The following PREX2 variants were observed in gnomAD, a reference collection of about 807,000 sequenced individuals.
PREX2 encodes phosphatidylinositol 3,4,5-trisphosphate-dependent Rac exchanger 2 protein.
In PREX2, 107 loss-of-function variants were observed where a neutral mutation model predicts 203.2. The observed-to-expected ratio is 0.53, with a 90% CI of 0.45 to 0.62. The LOEUF (loss-of-function observed/expected upper bound fraction) is 0.62, where lower values mean the gene tolerates loss of function less well. PREX2 is among the 20% of genes least tolerant of loss of function. The pLI, the probability that PREX2 is intolerant of heterozygous loss-of-function variation, is 0.00. For missense variants in PREX2, 1,777 were observed against 1,955.9 expected, an observed-to-expected ratio of 0.91 and a Z score of 1.72; for synonymous variants, 672 against 663.6, an observed-to-expected ratio of 1.01 and a Z score of -0.19.
intron 11 of PREX2, among the ~76,000 whole-genome samples, chr8:68,065,433 T>C (rs1453183057): frequency 6.6e-6 from 1 of 152,180 alleles, no homozygotes; most frequent in Non-Finnish European, 1.5e-5. Flanking sequence ...TGACTTGGCT[T>C]GGGGAAAAGA....
intron 11 of PREX2, among the ~76,000 whole-genome samples, chr8:68,068,711 A>T (rs1430957179): frequency 6.6e-6 from 1 of 152,122 alleles, no homozygotes; most frequent in Non-Finnish European, 1.5e-5. Flanking sequence ...ATATTTATAT[A>T]AATGTACACA....
Position 68,133,960 on chromosome 8 carries a change from T to G in PREX2, c.3767-99T>G, listed in dbSNP as rs974970204. 7.7e-6 allele frequency: 7 copies of G among 913,516 alleles called. No homozygotes were observed. The Admixed American group carries it at 1.1e-4, about 14-fold the overall frequency. 56.6% of individuals were successfully genotyped at this position (913,516 alleles called of 1,614,324 possible). ...ACATTTTTCACATGCGTGAGTTTAG[T>G]GAAAAGATGAAATGCTAGTGAATGT... On this transcript the variant is annotated intron_variant, in intron 31 of 39. Coordinates refer to ENST00000288368, the MANE Select transcript of PREX2 (RefSeq NM_024870.4).
At position 68,235,810 on chromosome 8, in the gene PREX2, A is replaced by G. The variant is rs939732441; in HGVS notation, c.*4432A>G. The G allele has an allele frequency of 6.6e-6, 1 of 152,144 alleles. No homozygotes were observed. The highest frequency in any genetic ancestry group is 1.5e-5 in the Non-Finnish European group (1 of 68,028). The allele number at this position is 152,144 out of a possible 1,614,324, so 9.4% of individuals were successfully genotyped here. A position where few individuals can be genotyped will look rare whatever the true frequency, so the allele number is the denominator to read the frequency against. On this transcript the variant is annotated 3_prime_UTR_variant, in exon 40 of 40. Transcript: ENST00000288368. ...GCTTGGCATTAACAGTGATGTCAGCATTCATACTGCCAACAGTCTGCTGGT... is the reference window on the plus strand; with the variant it reads ...GCTTGGCATTAACAGTGATGTCAGCGTTCATACTGCCAACAGTCTGCTGGT...
intron 10 of PREX2, among the ~76,000 whole-genome samples, chr8:68,059,460 G>A (rs972365998): frequency 2.6e-5 from 4 of 152,140 alleles, no homozygotes; most frequent in African/African-American, 9.7e-5. Flanking sequence ...CTGATGGATG[G>A]TTCTGTGCTG....
chr8:68,064,375 G>T (rs1005416256), intron 11 of PREX2, among the ~76,000 whole-genome samples: 1 of 151,878 alleles, frequency 6.6e-6, no homozygotes, highest in Admixed American at 6.6e-5. Context: ...TCTTTTGGGG[G>T]GTTGGGGGGC....
intron 33 of PREX2, 50 bp from the exon 34 acceptor site, chr8:68,146,159 C>G: frequency 1.5e-6 from 2 of 1,309,632 alleles, no homozygotes; most frequent in Non-Finnish European, 2.1e-6. Context: ...AAAGTACCAT[C>G]TAGCATATCC....
chr8:67,978,745 G>A (rs1338988035), intron 1 of PREX2, among the ~76,000 whole-genome samples: 5 of 152,060 alleles, frequency 3.3e-5, no homozygotes, highest in Admixed American at 6.6e-5. Context: ...GAACTTGTTA[G>A]TTTTATATCT....
intron 19 of PREX2, among the ~76,000 whole-genome samples, chr8:68,089,802 A>G (rs765832136): frequency 7.2e-5 from 11 of 152,218 alleles, no homozygotes; most frequent in South Asian, 2.1e-4. Flanking sequence ...TTACAAGTTT[A>G]TAATCATTTG....
intron 8 of PREX2, among the ~76,000 whole-genome samples, chr8:68,046,240 C>T (rs1196802651): frequency 1.3e-5 from 2 of 151,976 alleles, no homozygotes; most frequent in African/African-American, 2.4e-5. Context: ...GATGTCAGTG[C>T]CACTATTAGT....
rs150567729 is a variant in PREX2 at position 67,995,166 on chromosome 8, C to T, written c.142-22680C>T. ...CTGTTCTATTAATAATGAAAGTATA[C>T]GTTTTAGAGTTATTGTAAAGCCACA... is the stretch of plus-strand genomic sequence containing the variant. On this transcript the variant is annotated intron_variant, in intron 1 of 39. Coordinates refer to ENST00000288368, the MANE Select transcript of PREX2 (RefSeq NM_024870.4). Among the ~76,000 whole-genome samples, 36 of 151,990 alleles carry T rather than the reference C, an allele frequency of 2.4e-4. No individual in the cohort carries two copies. The East Asian group carries it at 3.7e-3, about 15-fold the overall frequency.
chr8:68,190,610 G>T (rs558851802), intron 35 of PREX2, among the ~76,000 whole-genome samples: 56 of 152,174 alleles, frequency 3.7e-4, no homozygotes, highest in Non-Finnish European at 1.6e-4. Flanking sequence ...GGAGAGGTAG[G>T]AAGGGGATGA....
intron 8 of PREX2, among the ~76,000 whole-genome samples, chr8:68,048,204 A>C (rs576723329): frequency 7.2e-5 from 11 of 152,190 alleles, no homozygotes; most frequent in Non-Finnish European, 1.5e-4. Flanking sequence ...TAGTTTGATC[A>C]TGATGCTATA....
chr8:68,023,072 A>C (rs1323903868), intron 4 of PREX2, among the ~76,000 whole-genome samples: 1 of 152,178 alleles, frequency 6.6e-6, no homozygotes, highest in Non-Finnish European at 1.5e-5. Flanking sequence ...GGCTCCTATA[A>C]ATAATGCTGT....
intron 34 of PREX2, among the ~76,000 whole-genome samples, chr8:68,149,322 A>C (rs190273826): frequency 2.0e-5 from 3 of 152,312 alleles, no homozygotes; most frequent in Admixed American, 2.0e-4. Context: ...GTTGGCGGCC[A>C]ATGTGTATTG....
chr8:68,123,360 T>A (rs1352177421), intron 30 of PREX2, among the ~76,000 whole-genome samples: 1 of 151,802 alleles, frequency 6.6e-6, no homozygotes, highest in Non-Finnish European at 1.5e-5. Flanking sequence ...AACCCAAAGG[T>A]GCCAGAGGAC....
At chr8:68,214,708 A>G (rs1347260159) in intron 37 of PREX2, among the ~76,000 whole-genome samples, 2 of 152,196 alleles carry the variant, frequency 1.3e-5, no homozygotes, top group Non-Finnish European at 2.9e-5. Context: ...GGGGCAAATA[A>G]AAGTGACAGA....
chr8:68,196,732 C>A lies in PREX2; in HGVS notation c.4604+4207C>A, dbSNP rs185965529. Among the ~76,000 whole-genome samples, 23 of 150,788 alleles carry A rather than the reference C, an allele frequency of 1.5e-4. No homozygotes were observed. In the East Asian group the frequency reaches 3.6e-3, roughly 24 times the overall value. ...TAAAGATGTATGGCACCTCCCCCCC[C>A]CAACTCTCTCTTCCTCCTGCTCCAG... On this transcript the variant is annotated intron_variant, in intron 37 of 39. Coordinates refer to ENST00000288368, the MANE Select transcript of PREX2 (RefSeq NM_024870.4).
At chr8:68,104,075 A>G (rs1392091064) in intron 23 of PREX2, among the ~76,000 whole-genome samples, 1 of 152,100 alleles carries the variant, frequency 6.6e-6, no homozygotes, top group East Asian at 1.9e-4. Context: ...GCTTATGCCC[A>G]TCCTCCCCAT....
intron 18 of PREX2, among the ~76,000 whole-genome samples, chr8:68,083,893 A>T (rs957418079): frequency 6.6e-6 from 1 of 152,212 alleles, no homozygotes. Context: ...ATTAGAAAAA[A>T]AGTTATGTTT....
Sources: gnomAD v4.1 joint callset for allele counts (sites outside exome capture counted in the v4.1 genomes callset) on GRCh38, gnomAD v4.1.1 for gene constraint, MANE v1.5 for transcripts, NCBI Gene and HGNC (gene_info 2026-07-23, HGNC 2026-07-21) for gene names.